TNRC6A: variants seen among roughly 807,000 people sequenced by gnomAD.
The protein encoded by TNRC6A is trinucleotide repeat-containing gene 6A protein.
A neutral mutation model predicts 221.2 loss-of-function variants in TNRC6A; 44 were observed. That is an observed-to-expected ratio of 0.20 (90% CI 0.16 to 0.26). TNRC6A has a LOEUF of 0.26. Among genes scored for constraint, TNRC6A ranks in the 10% least tolerant of loss-of-function variants. The pLI, the probability that TNRC6A is intolerant of heterozygous loss-of-function variation, is 1.00. For missense variants in TNRC6A, 2,199 were observed against 2,404.4 expected, an observed-to-expected ratio of 0.91 and a Z score of 1.79; for synonymous variants, 847 against 838.5, an observed-to-expected ratio of 1.01 and a Z score of -0.18.
At chr16:24,663,531 T>G in intron 2 of TNRC6A, 1 of 162,542 alleles carries the variant, frequency 6.2e-6, no homozygotes, top group Non-Finnish European at 1.4e-5. Flanking sequence ...ACTCCAACCT[T>G]GGTGACAGAG....
chr16:24,691,303 G>A (rs1422702214), intron 2 of TNRC6A, among the ~76,000 whole-genome samples: 1 of 151,836 alleles, frequency 6.6e-6, no homozygotes, highest in Non-Finnish European at 1.5e-5. Flanking sequence ...CTGCAACCTC[G>A]AACTCCTGGC....
chr16:24,797,990 A>T, intron 11 of TNRC6A, 24 bp downstream of exon 11: 1 of 1,598,024 alleles, frequency 6.3e-7, no homozygotes, highest in Non-Finnish European at 8.6e-7. Flanking sequence ...AAATCTGTTT[A>T]TATTCCTCAT....
At chr16:24,682,711 T>C (rs1052580976) in intron 2 of TNRC6A, among the ~76,000 whole-genome samples, 1 of 152,084 alleles carries the variant, frequency 6.6e-6, no homozygotes, top group Admixed American at 6.6e-5. Flanking sequence ...GAAATGTGAC[T>C]TTAAGGCAGC....
intron 1 of TNRC6A, among the ~76,000 whole-genome samples, chr16:24,634,348 T>C (rs1263080627): frequency 6.6e-6 from 1 of 152,002 alleles, no homozygotes; most frequent in Non-Finnish European, 1.5e-5. Flanking sequence ...GTGGATCCTT[T>C]AAGCCCAGGA....
chr16:24,737,259 T>C (rs982249209), intron 2 of TNRC6A, among the ~76,000 whole-genome samples: 2 of 152,204 alleles, frequency 1.3e-5, no homozygotes, highest in African/African-American at 2.4e-5. Context: ...ACTGCTTCTT[T>C]ATGAGGAGGT....
chr16:24,698,452 G>T (rs1443376997), intron 2 of TNRC6A, among the ~76,000 whole-genome samples: 1 of 152,152 alleles, frequency 6.6e-6, no homozygotes, highest in Non-Finnish European at 1.5e-5. Context: ...AGGAAGACCG[G>T]TGTGTGGTGC....
Position 24,665,740 on chromosome 16 carries a change from T to C in TNRC6A, n.402+24731T>C, listed in dbSNP as rs150836193. Reference sequence around the variant, plus strand: ...AAAAAATGTCTCCAGACATTGTCAATTGACCAGTCCTAGCTGGTCAAAATC... The same window carrying C: ...AAAAAATGTCTCCAGACATTGTCAACTGACCAGTCCTAGCTGGTCAAAATC... On this transcript the variant is annotated intron_variant and non_coding_transcript_variant, in intron 2 of 2. Coordinates refer to the TNRC6A transcript ENST00000566108. 1.4e-3 allele frequency among the ~76,000 whole-genome samples: 207 copies of C among 152,304 alleles called. 1 individual carries two copies. Among genetic ancestry groups the C allele is most frequent in the African/African-American group, 3.8e-3 (156 of 41,570 alleles).
intron 1 of TNRC6A, among the ~76,000 whole-genome samples, chr16:24,628,130 A>G (rs1025288285): frequency 1.3e-5 from 2 of 151,986 alleles, no homozygotes; most frequent in Non-Finnish European, 2.9e-5. Flanking sequence ...TGTTTTCAAT[A>G]AAAGTCACAC....
chr16:24,814,968 T>C lies in TNRC6A; in HGVS notation c.4673-179T>C, dbSNP rs373110982. Among the ~76,000 whole-genome samples the C allele has an allele frequency of 2.0e-4, 31 of 152,326 alleles. No individual in the cohort carries two copies. In the East Asian group the frequency reaches 5.0e-3, roughly 25 times the overall value. Reference sequence around the variant, plus strand: ...AAACTTAAAATGAAATTCACAGTTATCATTTTCAGACATTCTTCAAATGCG... The same window carrying C: ...AAACTTAAAATGAAATTCACAGTTACCATTTTCAGACATTCTTCAAATGCG... On this transcript the variant is annotated intron_variant, in intron 18 of 24. Transcript: ENST00000395799.
intron 5 of TNRC6A, among the ~76,000 whole-genome samples, chr16:24,787,680 C>G (rs2058004037): frequency 6.6e-6 from 1 of 152,156 alleles, no homozygotes; most frequent in South Asian, 2.1e-4. Flanking sequence ...ATTAGAGTCA[C>G]TTATGGAACT....
At chr16:24,724,699 G>A (rs1596550731), upstream of TNRC6A, among the ~76,000 whole-genome samples, 1 of 152,102 alleles carries the variant, frequency 6.6e-6, no homozygotes, top group East Asian at 1.9e-4. Flanking sequence ...AGCCGAGATC[G>A]TGCCACTGCA....
In TNRC6A at chr16:24,789,235, T is replaced by C. The variant is rs748348284; in HGVS notation, c.593T>C (p.Ile198Thr). Residue 198 changes from isoleucine (I) to threonine (T), a missense_variant, in exon 6 of 25, where the codon ATA becomes ACA. Ile to Thr is a moderately conservative substitution (Grantham distance 89). Transcript: ENST00000395799. ...EVQNSKNQSDINHSTSGSHYE... is the reference protein window; with the variant it reads ...EVQNSKNQSDTNHSTSGSHYE... Reference sequence around the variant, plus strand: ...TTGTACTTCTCCTTTATCCTAGATATAAACCACAGTACTTCAGGATCCCAT... The same window carrying C: ...TTGTACTTCTCCTTTATCCTAGATACAAACCACAGTACTTCAGGATCCCAT... 7.6e-6 allele frequency: 12 copies of C among 1,588,390 alleles called. No homozygotes were observed. In the Admixed American group the frequency reaches 1.1e-4, roughly 14 times the overall value.
At chr16:24,770,060 C>A (rs2057557716) in intron 4 of TNRC6A, among the ~76,000 whole-genome samples, 1 of 152,170 alleles carries the variant, frequency 6.6e-6, no homozygotes, top group African/African-American at 2.4e-5. Flanking sequence ...CATAACATAA[C>A]ATGCTTCTAA....
chr16:24,692,524 C>T (rs1197497599), intron 2 of TNRC6A, among the ~76,000 whole-genome samples: 1 of 151,818 alleles, frequency 6.6e-6, no homozygotes, highest in African/African-American at 2.4e-5. Flanking sequence ...GAGCTGAGAT[C>T]GCACCACTGC....
chr16:24,698,218 T>G (rs1384029660), intron 2 of TNRC6A, among the ~76,000 whole-genome samples: 1 of 151,972 alleles, frequency 6.6e-6, no homozygotes, highest in African/African-American at 2.4e-5. Flanking sequence ...TGCCCCAGAT[T>G]CCAAATCAGA....
At chr16:24,686,223 G>A (rs1351412476) in intron 2 of TNRC6A, among the ~76,000 whole-genome samples, 1 of 152,166 alleles carries the variant, frequency 6.6e-6, no homozygotes, top group South Asian at 2.1e-4. Context: ...GAGGCGTCTG[G>A]GCAAAAGCCT....
At chr16:24,680,084 G>T (rs2055501021) in intron 2 of TNRC6A, among the ~76,000 whole-genome samples, 1 of 152,042 alleles carries the variant, frequency 6.6e-6, no homozygotes, top group Admixed American at 6.6e-5. Context: ...TTTCCTGGGG[G>T]TGCTTAAGAA....
At chr16:24,718,991 C>T (rs530675015) in intron 2 of TNRC6A, among the ~76,000 whole-genome samples, 1 of 148,990 alleles carries the variant, frequency 6.7e-6, no homozygotes, top group Non-Finnish European at 1.5e-5. Flanking sequence ...GAGCCGAGAT[C>T]GCACCACTGT....
At chr16:24,704,325 T>A (rs1380211839) in intron 2 of TNRC6A, among the ~76,000 whole-genome samples, 2 of 152,020 alleles carry the variant, frequency 1.3e-5, no homozygotes, top group South Asian at 2.1e-4. Context: ...TCATATTTTT[T>A]AACATACATT....
Sources: gnomAD v4.1 joint callset for allele counts (sites outside exome capture counted in the v4.1 genomes callset) on GRCh38, gnomAD v4.1.1 for gene constraint, MANE v1.5 for transcripts, NCBI Gene and HGNC (gene_info 2026-07-23, HGNC 2026-07-21) for gene names.